EGLN3: variants seen among roughly 807,000 people sequenced by gnomAD.
EGLN3 encodes the protein prolyl hydroxylase EGLN3.
In EGLN3, 15 loss-of-function variants were observed where a neutral mutation model predicts 26.0. The ratio of observed to expected loss-of-function variants is 0.58; its 90% confidence interval spans 0.39 to 0.89. The LOEUF (loss-of-function observed/expected upper bound fraction) is 0.89, where lower values mean the gene tolerates loss of function less well. EGLN3 is among the 40% of genes least tolerant of loss of function. The pLI, the probability that EGLN3 is intolerant of heterozygous loss-of-function variation, is 0.00. For synonymous variants in EGLN3, 147 were observed against 127.2 expected, an observed-to-expected ratio of 1.16 and a Z score of -1.05; for missense variants, 238 against 311.6, an observed-to-expected ratio of 0.76 and a Z score of 1.78.
rs1316682183 is a variant in EGLN3, at chr14:33,931,091, A to G, written c.477+5T>C. On this transcript the variant is annotated splice_donor_5th_base_variant and intron_variant, in intron 2 of 4. Transcript: ENST00000250457. ...CCACACTCTACTCCCATTATTCAAA[A>G]GTACCTTGGCATCCCAATTCTTGTT... is the stretch of plus-strand genomic sequence containing the variant. 1 of 1,614,206 alleles carries G rather than the reference A, an allele frequency of 6.2e-7. No individual in the cohort carries two copies. The highest frequency in any genetic ancestry group is 8.5e-7 in the Non-Finnish European group (1 of 1,180,024).
chr14:33,950,846 C>G lies in EGLN3; in HGVS notation c.-94G>C. ...GAAGCCGAGGCGCGGGGAGCGTGGC[C>G]CGGGGTTCAGAAACCTGCGGCTGCC... On this transcript the variant is annotated 5_prime_UTR_variant, in exon 1 of 5. Transcript: ENST00000250457. The G allele has an allele frequency of 8.2e-7, 1 of 1,216,694 alleles. No individual in the cohort carries two copies. The highest frequency in any genetic ancestry group is 1.2e-6 in the Non-Finnish European group (1 of 861,672). 75.4% of individuals were successfully genotyped at this position (1,216,694 alleles called of 1,614,324 possible).
At chr14:33,945,998 T>A (rs959002287) in intron 1 of EGLN3, among the ~76,000 whole-genome samples, 1 of 152,200 alleles carries the variant, frequency 6.6e-6, no homozygotes, top group South Asian at 2.1e-4. Context: ...CTGTTCACAA[T>A]GCAGTCCTCA....
chr14:33,939,280 G>T (rs1484697390), intron 1 of EGLN3, among the ~76,000 whole-genome samples: 2 of 151,184 alleles, frequency 1.3e-5, no homozygotes, highest in African/African-American at 4.9e-5. Context: ...GCGCGATCTC[G>T]GCTCACTGCA....
intron 4 of EGLN3, 33 bp from the exon 5 acceptor site, chr14:33,925,955 G>A (rs1195830556): frequency 3.7e-6 from 6 of 1,609,218 alleles, no homozygotes; most frequent in South Asian, 1.1e-5. Flanking sequence ...AATAAAGAGG[G>A]TATGGAGTCA....
intron 2 of EGLN3, among the ~76,000 whole-genome samples, chr14:33,930,688 T>C (rs1486473266): frequency 6.6e-6 from 1 of 152,190 alleles, no homozygotes; most frequent in African/African-American, 2.4e-5. Flanking sequence ...CTCTTGGGGA[T>C]GGTTTTATAG....
intron 1 of EGLN3, among the ~76,000 whole-genome samples, chr14:33,932,059 T>C (rs910489869): frequency 1.3e-5 from 2 of 152,188 alleles, no homozygotes; most frequent in East Asian, 3.8e-4. Flanking sequence ...AAGCAAAGTA[T>C]AGAAAGCCAG....
chr14:33,932,789 G>A (rs530445404), intron 1 of EGLN3, among the ~76,000 whole-genome samples: 1 of 152,252 alleles, frequency 6.6e-6, no homozygotes, highest in Non-Finnish European at 1.5e-5. Flanking sequence ...AACAAATGAT[G>A]GTACCACTAA....
At position 33,929,360 on chromosome 14, in the gene EGLN3, G is replaced by GTA; in HGVS notation, c.478-150_478-149dup. The GTA allele has an allele frequency of 3.9e-6, 4 of 1,023,820 alleles. No individual in the cohort carries two copies. The South Asian group carries it at 6.7e-5, about 17-fold the overall frequency. 63.4% of individuals were successfully genotyped at this position (1,023,820 alleles called of 1,614,324 possible). ...GATTTTTACTTCAACCTCATAGTTTGTACCAATTTGAGATGGAGTTTCACT... is the reference window on the plus strand; with the variant it reads ...GATTTTTACTTCAACCTCATAGTTTGTATACCAATTTGAGATGGAGTTTCACT... On this transcript the variant is annotated intron_variant, in intron 2 of 4. Coordinates refer to ENST00000250457, the MANE Select transcript of EGLN3 (RefSeq NM_022073.4).
intron 1 of EGLN3, among the ~76,000 whole-genome samples, chr14:33,934,697 C>T (rs574501937): frequency 1.3e-5 from 2 of 152,248 alleles, no homozygotes; most frequent in Non-Finnish European, 1.5e-5. Context: ...CCCACCCTGC[C>T]GTTACCACTT....
chr14:33,949,259 CAG>C (rs1353676659), intron 1 of EGLN3: 3 of 152,282 alleles, frequency 2.0e-5, no homozygotes, highest in Admixed American at 6.5e-5. Context: ...AGCCTTTATT[CAG>C]AGTGTTCCTC....
chr14:33,950,436 C>G lies in EGLN3; in HGVS notation c.317G>C (p.Gly106Ala). 1 of 1,613,386 alleles carries G rather than the reference C, an allele frequency of 6.2e-7. No individual in the cohort carries two copies. Among genetic ancestry groups the G allele is most frequent in the Non-Finnish European group, 8.5e-7 (1 of 1,180,034 alleles). Residue 106 changes from glycine (G) to alanine (A), a missense_variant, in exon 1 of 5, where the codon GGG (glycine) becomes GCG (alanine). Physicochemically the swap from Gly to Ala is moderately conservative, Grantham distance 60. Transcript: ENST00000250457. ...GACGTAGTATTTGCCCAGCCGGCTC[C>G]CGCAGTAGAGGACCAGCCTGTCGAT... Reference protein sequence around the residue: ...SLIDRLVLYCGSRLGKYYVKE... With the variant: ...SLIDRLVLYCASRLGKYYVKE...
intron 1 of EGLN3, among the ~76,000 whole-genome samples, chr14:33,932,667 C>T (rs1180317813): frequency 6.6e-6 from 1 of 152,180 alleles, no homozygotes; most frequent in Non-Finnish European, 1.5e-5. Flanking sequence ...CATATCCTGC[C>T]TTTGAACATC....
chr14:33,941,435 G>A (rs975494936), intron 1 of EGLN3, among the ~76,000 whole-genome samples: 5 of 151,838 alleles, frequency 3.3e-5, no homozygotes, highest in African/African-American at 1.2e-4. Flanking sequence ...ACAAAGCTAA[G>A]GTCCTCCATT....
intron 1 of EGLN3, among the ~76,000 whole-genome samples, chr14:33,936,059 T>C (rs757625549): frequency 5.2e-4 from 79 of 152,038 alleles, no homozygotes; most frequent in Non-Finnish European, 1.0e-3. Context: ...GGTGAAACCC[T>C]GTCTCTACTA....
intron 1 of EGLN3, among the ~76,000 whole-genome samples, chr14:33,940,208 C>G (rs1178492426): frequency 1.3e-5 from 2 of 152,178 alleles, no homozygotes; most frequent in Non-Finnish European, 2.9e-5. Flanking sequence ...TCTGTAGCCC[C>G]TGCAGGGTCC....
chr14:33,933,969 G>C (rs370477520), intron 1 of EGLN3, among the ~76,000 whole-genome samples: 38 of 152,290 alleles, frequency 2.5e-4, no homozygotes, highest in East Asian at 1.2e-3. Context: ...CATATCAAGA[G>C]GATGCCTACT....
chr14:33,930,488 C>T (rs935118682), intron 2 of EGLN3, among the ~76,000 whole-genome samples: 2 of 152,172 alleles, frequency 1.3e-5, no homozygotes, highest in Non-Finnish European at 2.9e-5. Context: ...TCTTAACTTT[C>T]GGAAAGCATA....
chr14:33,935,015 A>G (rs1280968328), intron 1 of EGLN3, among the ~76,000 whole-genome samples: 2 of 152,246 alleles, frequency 1.3e-5, no homozygotes, highest in Non-Finnish European at 2.9e-5. Context: ...GCTGCTAAGT[A>G]GAAATACCAG....
intron 1 of EGLN3, among the ~76,000 whole-genome samples, chr14:33,946,244 C>T (rs1319545045): frequency 3.3e-5 from 5 of 152,086 alleles, no homozygotes; most frequent in South Asian, 4.1e-4. Context: ...GGCATGGTGG[C>T]GCACGCCTGT....
Sources: allele counts gnomAD v4.1 joint callset (sites outside exome capture counted in the v4.1 genomes callset), GRCh38; gene constraint gnomAD v4.1.1; transcripts MANE v1.5; gene names NCBI Gene and HGNC (gene_info 2026-07-23, HGNC 2026-07-21).